CENPP: variants seen among roughly 807,000 people sequenced by gnomAD.
The protein encoded by CENPP is centromere protein P.
In CENPP, 24 loss-of-function variants were observed where a neutral mutation model predicts 35.6. That is an observed-to-expected ratio of 0.67 (90% CI 0.49 to 0.95). CENPP has a LOEUF of 0.95. Ranked by LOEUF, CENPP falls within the 40% of genes least tolerant of loss-of-function variation. The pLI, the probability that CENPP is intolerant of heterozygous loss-of-function variation, is 0.00. For synonymous variants in CENPP, 120 were observed against 125.5 expected, an observed-to-expected ratio of 0.96 and a Z score of 0.29; for missense variants, 332 against 345.3, an observed-to-expected ratio of 0.96 and a Z score of 0.31.
Position 92,619,678 on chromosome 9 carries a change from G to A in CENPP, c.*6529G>A, listed in dbSNP as rs1298313981. 1 of 1,004,856 alleles carries A rather than the reference G, an allele frequency of 1.0e-6. No homozygotes were observed. The highest frequency in any genetic ancestry group is 1.5e-6 in the Non-Finnish European group (1 of 663,134). 62.2% of individuals were successfully genotyped at this position (1,004,856 alleles called of 1,614,324 possible). On this transcript the variant is annotated 3_prime_UTR_variant, in exon 8 of 8. Coordinates refer to ENST00000375587, the MANE Select transcript of CENPP (RefSeq NM_001012267.3). ...AACTGCTTCCTGCCTCAGAACCTGA[G>A]GGTGGGATTAGGAGCGAGGGCCACG...
chr9:92,420,612 C>A (rs914138136), intron 5 of CENPP, among the ~76,000 whole-genome samples: 2 of 152,148 alleles, frequency 1.3e-5, no homozygotes, highest in African/African-American at 4.8e-5. Context: ...ATACCTTATT[C>A]CCCATTATTG....
chr9:92,476,406 T>A lies in CENPP; in HGVS notation c.564+96547T>A, dbSNP rs77440622. 4.8e-3 allele frequency among the ~76,000 whole-genome samples: 730 copies of A among 152,364 alleles called. 4 individuals carry two copies. The highest frequency in any genetic ancestry group is 0.015 in the African/African-American group (629 of 41,580). Reference sequence around the variant, plus strand: ...TCATTTATATATGGTATGTCTTTTTTAATCACCAGACGAGGGCTAGAATGT... The same window carrying A: ...TCATTTATATATGGTATGTCTTTTTAAATCACCAGACGAGGGCTAGAATGT... On this transcript the variant is annotated intron_variant, in intron 5 of 7. Coordinates refer to ENST00000375587, the MANE Select transcript of CENPP (RefSeq NM_001012267.3). This position sits in a 1 kb window ranked among gnomAD's most constrained non-coding sequence, Gnocchi z 4.1.
At chr9:92,494,123 G>A (rs978918165) in intron 5 of CENPP, 14 of 1,597,718 alleles carry the variant, frequency 8.8e-6, no homozygotes, top group Non-Finnish European at 1.2e-5. Context: ...GTTTGTCACT[G>A]TCTCTAGAAC....
rs777348011 is a variant in CENPP at position 92,332,338 on chromosome 9, G to A, written c.276G>A (p.Glu92=). The part of the protein sequence containing the change: ...SKQTEDLTST[E]MTEKSIRKVL... Reference sequence around the variant, plus strand: ...AGACAGAAGACCTAACAAGCACTGAGATGACAGAAAAGAGTAAGCATTTTT... The same window carrying A: ...AGACAGAAGACCTAACAAGCACTGAAATGACAGAAAAGAGTAAGCATTTTT... Residue 92 remains glutamate (E), a synonymous_variant, in exon 2 of 8, where the codon GAG becomes GAA. Coordinates refer to ENST00000375587, the MANE Select transcript of CENPP (RefSeq NM_001012267.3). 3 of 1,584,100 alleles carry A rather than the reference G, an allele frequency of 1.9e-6. No homozygotes were observed. In the Admixed American group the frequency reaches 5.6e-5, roughly 29 times the overall value.
intron 5 of CENPP, among the ~76,000 whole-genome samples, chr9:92,556,853 T>A (rs1377494320): frequency 1.3e-5 from 2 of 152,222 alleles, no homozygotes; most frequent in African/African-American, 4.8e-5. Context: ...CTGCTCTTTG[T>A]TGCCTGTGTA....
At chr9:92,415,094 TTACTA>T in intron 5 of CENPP, 1 of 1,268,036 alleles carries the variant, frequency 7.9e-7, no homozygotes, top group Non-Finnish European at 1.1e-6. Context: ...TTACTTAGAT[TTACTA>T]TATTAAGTAT....
At chr9:92,512,155 C>A in intron 5 of CENPP, 1 of 1,508,748 alleles carries the variant, frequency 6.6e-7, no homozygotes, top group Non-Finnish European at 9.2e-7. Context: ...ATGTTTTAGG[C>A]ATGTGTGCAT....
chr9:92,330,648 CTTTTTTT>C (rs1840712176), intron 1 of CENPP, among the ~76,000 whole-genome samples: 1 of 145,506 alleles, frequency 6.9e-6, no homozygotes, highest in South Asian at 2.2e-4. Flanking sequence ...GCTAAAATTT[CTTTTTTT>C]AAAAAAGTTT....
chr9:92,615,664 G>A lies in CENPP; in HGVS notation c.*2515G>A. 1 of 590,334 alleles carries A rather than the reference G, an allele frequency of 1.7e-6. No homozygotes were observed. Among genetic ancestry groups the A allele is most frequent in the Non-Finnish European group, 3.0e-6 (1 of 331,638 alleles). The allele number at this position is 590,334 out of a possible 1,614,324, so 36.6% of individuals were successfully genotyped here. On this transcript the variant is annotated 3_prime_UTR_variant, in exon 8 of 8. Coordinates refer to ENST00000375587, the MANE Select transcript of CENPP (RefSeq NM_001012267.3). ...ACTTCCTACATTCCTTGTCCAGGAAGTTGTTTCTAGTGCTCTTCAATTCCA... is the reference window on the plus strand; with the variant it reads ...ACTTCCTACATTCCTTGTCCAGGAAATTGTTTCTAGTGCTCTTCAATTCCA...
intron 5 of CENPP, among the ~76,000 whole-genome samples, chr9:92,545,463 G>A (rs898987166): frequency 6.6e-6 from 1 of 152,204 alleles, no homozygotes; most frequent in Non-Finnish European, 1.5e-5. Context: ...TTGATTTCTC[G>A]TCGGGCCTTA....
At chr9:92,544,802 G>C (rs1286845630) in intron 5 of CENPP, among the ~76,000 whole-genome samples, 1 of 147,222 alleles carries the variant, frequency 6.8e-6, no homozygotes, top group Non-Finnish European at 1.5e-5. Flanking sequence ...TGCAACCTCC[G>C]CCTCTCGGGT....
At chr9:92,392,311 A>T (rs562874521) in intron 5 of CENPP, among the ~76,000 whole-genome samples, 1 of 152,234 alleles carries the variant, frequency 6.6e-6, no homozygotes, top group African/African-American at 2.4e-5. Flanking sequence ...GGGAAGTAGG[A>T]CCTAGTATCA....
intron 5 of CENPP, among the ~76,000 whole-genome samples, chr9:92,585,707 C>T (rs1240106956): frequency 1.3e-5 from 2 of 152,166 alleles, no homozygotes; most frequent in Non-Finnish European, 2.9e-5. Flanking sequence ...ACAGAATAAA[C>T]TTTCAGAACT....
At chr9:92,514,554 C>G in intron 5 of CENPP, 1 of 1,506,544 alleles carries the variant, frequency 6.6e-7, no homozygotes. Flanking sequence ...AGATTATAGG[C>G]GTGAGCCACC....
chr9:92,571,907 CTT>C (rs145507230), intron 5 of CENPP, among the ~76,000 whole-genome samples: 1,316 of 127,082 alleles, frequency 0.01, 20 homozygotes, highest in African/African-American at 0.034. Context: ...TGCAACTCCT[CTT>C]TTTTTTTTTT....
chr9:92,530,291 G>T (rs1023167999), intron 5 of CENPP, among the ~76,000 whole-genome samples: 10 of 152,086 alleles, frequency 6.6e-5, no homozygotes, highest in Non-Finnish European at 1.3e-4. Context: ...GACATTGGGT[G>T]ATAATGATAT....
intron 5 of CENPP, among the ~76,000 whole-genome samples, chr9:92,560,868 C>CTTTTTTTTTTTTTT: frequency 7.9e-6 from 1 of 126,152 alleles, no homozygotes; most frequent in Non-Finnish European, 1.7e-5. Flanking sequence ...TTTTTCTTGT[C>CTTTTTTTTTTTTTT]TTTTTTTTTT....
chr9:92,447,244 T>TA (rs1844576339), intron 5 of CENPP, among the ~76,000 whole-genome samples: 1 of 151,982 alleles, frequency 6.6e-6, no homozygotes, highest in Non-Finnish European at 1.5e-5. Context: ...TACATTGTAA[T>TA]ATATAATGAA....
At chr9:92,353,224 T>A (rs557267621) in intron 4 of CENPP, among the ~76,000 whole-genome samples, 1 of 152,100 alleles carries the variant, frequency 6.6e-6, no homozygotes, top group East Asian at 1.9e-4. Flanking sequence ...AAGAAGGAAG[T>A]ACTCATGACA....
Sources: allele counts gnomAD v4.1 joint callset (sites outside exome capture counted in the v4.1 genomes callset), GRCh38; gene constraint gnomAD v4.1.1; non-coding constraint Gnocchi (gnomAD v3.1); transcripts MANE v1.5; gene names NCBI Gene and HGNC (gene_info 2026-07-23, HGNC 2026-07-21).